The following KAZN variants were observed in gnomAD, a reference collection of about 807,000 sequenced individuals.
KAZN encodes kazrin.
A neutral mutation model predicts 87.4 loss-of-function variants in KAZN; 40 were observed. The observed-to-expected ratio is 0.46, with a 90% CI of 0.36 to 0.60. The LOEUF (loss-of-function observed/expected upper bound fraction) is 0.60. KAZN is among the 20% of genes least tolerant of loss of function. The probability of loss-of-function intolerance (pLI) is 0.00; values close to 1 mark genes in which losing one functional copy is unlikely to be tolerated. For missense variants in KAZN, 898 were observed against 1,073.9 expected, an observed-to-expected ratio of 0.84 and a Z score of 2.29; for synonymous variants, 466 against 458.3, an observed-to-expected ratio of 1.02 and a Z score of -0.22.
chr1:14,923,636 C>T lies in KAZN; in HGVS notation c.227-37048C>T, dbSNP rs1009155741. ...CTCCCACCAGATCTCAGCCCCCTCG[C>T]GATCTCCCCCACCAGACGGTGGGTG... On this transcript the variant is annotated intron_variant, in intron 1 of 14. Transcript: ENST00000376030. The surrounding 1 kb of genome is among the most constrained non-coding windows in gnomAD (Gnocchi z 4.2). Among the ~76,000 whole-genome samples the T allele has an allele frequency of 2.6e-5, 4 of 152,198 alleles. No homozygotes were observed. Among genetic ancestry groups the T allele is most frequent in the African/African-American group, 9.6e-5 (4 of 41,466 alleles).
intron 1 of KAZN, among the ~76,000 whole-genome samples, chr1:14,874,100 AG>A (rs1652481063): frequency 6.6e-6 from 1 of 152,218 alleles, no homozygotes; most frequent in Non-Finnish European, 1.5e-5. Flanking sequence ...CCAAATTTCA[AG>A]GGAGAGGACA....
At chr1:14,536,775 C>T (rs1002183760) in intron 2 of KAZN, among the ~76,000 whole-genome samples, 23 of 152,004 alleles carry the variant, frequency 1.5e-4, no homozygotes, top group African/African-American at 4.1e-4. Context: ...CCAGCTACTT[C>T]GGAGGCTGAG....
rs1457705416 is a variant in KAZN at position 14,009,163 on chromosome 1, T to A, written c.91+115407T>A. Among the ~76,000 whole-genome samples, 3 of 152,252 alleles carry A rather than the reference T, an allele frequency of 2.0e-5. No homozygotes were observed. The East Asian group carries it at 5.8e-4, about 29-fold the overall frequency. Reference sequence around the variant, plus strand: ...AATTTGCTTCCTTTCTAAGGCTGAATAATATTCCATTGTGTGTATAGATCA... The same window carrying A: ...AATTTGCTTCCTTTCTAAGGCTGAAAAATATTCCATTGTGTGTATAGATCA... On this transcript the variant is annotated intron_variant, in intron 1 of 16. Transcript: ENST00000636203.
rs548205278 is a variant in KAZN at position 14,351,854 on chromosome 1, A to C, written c.249+171262A>C. Among the ~76,000 whole-genome samples, 7 of 152,336 alleles carry C rather than the reference A, an allele frequency of 4.6e-5. No homozygotes were observed. The South Asian group carries it at 1.2e-3, about 27-fold the overall frequency. ...TATGCCTTTTAAAGTTTTTGTAATT[A>C]GTTGCTTAGTGGCTCATTTATTTTA... On this transcript the variant is annotated intron_variant, in intron 2 of 16. Transcript: ENST00000636203.
At chr1:14,363,853 C>G (rs749336568) in intron 2 of KAZN, among the ~76,000 whole-genome samples, 4 of 152,046 alleles carry the variant, frequency 2.6e-5, no homozygotes, top group Non-Finnish European at 5.9e-5. Context: ...TTTCTACGGT[C>G]AAATAATTTG....
intron 1 of KAZN, among the ~76,000 whole-genome samples, chr1:13,927,814 T>G (rs1285914361): frequency 6.6e-6 from 1 of 152,140 alleles, no homozygotes; most frequent in Non-Finnish European, 1.5e-5. Flanking sequence ...GAGACACAAG[T>G]ACAGGGTGCT....
At chr1:14,363,149 C>T (rs1159200130) in intron 2 of KAZN, among the ~76,000 whole-genome samples, 1 of 152,196 alleles carries the variant, frequency 6.6e-6, no homozygotes, top group Non-Finnish European at 1.5e-5. Flanking sequence ...ATTCAGTGCC[C>T]ATAAAAGTCC....
At chr1:14,852,084 C>T (rs1649514258) in intron 1 of KAZN, among the ~76,000 whole-genome samples, 2 of 152,222 alleles carry the variant, frequency 1.3e-5, no homozygotes, top group Admixed American at 6.5e-5. Context: ...TCAGGTTCCT[C>T]ACCTGGGAGG....
intron 1 of KAZN, among the ~76,000 whole-genome samples, chr1:14,152,547 T>C (rs1645499190): frequency 1.3e-5 from 2 of 152,216 alleles, no homozygotes; most frequent in Admixed American, 1.3e-4. Flanking sequence ...TAACTCGTAC[T>C]CCATTGTATA....
At chr1:14,288,807 TTG>T (rs1277763950) in intron 2 of KAZN, among the ~76,000 whole-genome samples, 1 of 152,254 alleles carries the variant, frequency 6.6e-6, no homozygotes, top group African/African-American at 2.4e-5. Context: ...CTGCTTTCTC[TTG>T]TGGGCATTTA....
At chr1:14,815,822 G>A (rs1322141026) in intron 1 of KAZN, among the ~76,000 whole-genome samples, 1 of 152,172 alleles carries the variant, frequency 6.6e-6, no homozygotes, top group East Asian at 1.9e-4. Flanking sequence ...CAGTGATAAG[G>A]CAGCAAACAG....
intron 1 of KAZN, among the ~76,000 whole-genome samples, chr1:14,682,864 A>G (rs1640754104): frequency 6.6e-6 from 1 of 152,204 alleles, no homozygotes; most frequent in African/African-American, 2.4e-5. Context: ...ATGGACACAT[A>G]CAGGATCAGC....
chr1:14,311,430 A>G (rs1276365739), intron 2 of KAZN, among the ~76,000 whole-genome samples: 9 of 152,166 alleles, frequency 5.9e-5, no homozygotes, highest in Admixed American at 5.9e-4. Context: ...TTATATTATA[A>G]CCATGATGAA....
chr1:14,234,994 A>C (rs571931165), intron 2 of KAZN, among the ~76,000 whole-genome samples: 2 of 152,230 alleles, frequency 1.3e-5, no homozygotes, highest in African/African-American at 4.8e-5. Flanking sequence ...GAAAATGTTA[A>C]ATAGCTAGTT....
At chr1:14,154,060 A>G (rs1051369308) in intron 1 of KAZN, among the ~76,000 whole-genome samples, 1 of 152,152 alleles carries the variant, frequency 6.6e-6, no homozygotes, top group Admixed American at 6.5e-5. Context: ...GTATTCTGAT[A>G]GGGATTGCAT....
In KAZN at chr1:15,044,055, C is replaced by A; in HGVS notation, c.622C>A (p.Leu208Met). 3.7e-6 allele frequency: 6 copies of A among 1,612,750 alleles called. No individual in the cohort carries two copies. Among genetic ancestry groups the A allele is most frequent in the Non-Finnish European group, 5.1e-6 (6 of 1,179,830 alleles). ...CCTGCTGGAGCGTGAGAAGTGGGAG[C>A]TGCGGCGCCAAGCCAAGGAGGCCAC... ...KDLLEREKWE[L>M]RRQAKEATDH... The change falls in exon 4 of 15, where the codon CTG becomes ATG. Residue 208 changes from leucine (L) to methionine (M), a missense_variant. Coordinates refer to ENST00000376030, the MANE Select transcript of KAZN (RefSeq NM_201628.3).
chr1:14,267,639 T>C lies in KAZN; in HGVS notation c.249+87047T>C, dbSNP rs549532846. Among the ~76,000 whole-genome samples, 6 of 152,238 alleles carry C rather than the reference T, an allele frequency of 3.9e-5. No individual in the cohort carries two copies. The East Asian group carries it at 7.7e-4, about 20-fold the overall frequency. ...AGGGAAAACTATAATATAACATATATGTAACCACGACTAAAAGAACGAATG... is the reference window on the plus strand; with the variant it reads ...AGGGAAAACTATAATATAACATATACGTAACCACGACTAAAAGAACGAATG... On this transcript the variant is annotated intron_variant, in intron 2 of 16. Transcript: ENST00000636203.
intron 1 of KAZN, among the ~76,000 whole-genome samples, chr1:14,630,665 G>T (rs1317488277): frequency 6.6e-6 from 1 of 152,190 alleles, no homozygotes; most frequent in Non-Finnish European, 1.5e-5. Context: ...TAAATGTAAG[G>T]CATGTGCATT....
At chr1:14,319,098 G>C (rs1216145153) in intron 2 of KAZN, among the ~76,000 whole-genome samples, 1 of 147,502 alleles carries the variant, frequency 6.8e-6, no homozygotes, top group Non-Finnish European at 1.5e-5. Context: ...CCTACTTCTT[G>C]GCCTGTCAGG....
Sources: gnomAD v4.1 joint callset for allele counts (sites outside exome capture counted in the v4.1 genomes callset) on GRCh38, gnomAD v4.1.1 for gene constraint, Gnocchi (gnomAD v3.1) non-coding constraint, MANE v1.5 for transcripts, NCBI Gene and HGNC (gene_info 2026-07-23, HGNC 2026-07-21) for gene names.